Variants in PCDHGB2 observed in about 807,000 individuals in gnomAD.
PCDHGB2 encodes the protein protocadherin gamma-B2.
A neutral mutation model predicts 59.3 loss-of-function variants in PCDHGB2; 55 were observed. The ratio of observed to expected loss-of-function variants is 0.93; its 90% confidence interval spans 0.75 to 1.16. The LOEUF (loss-of-function observed/expected upper bound fraction) is 1.16. Ranked by LOEUF, PCDHGB2 falls within the 50% of genes most tolerant of loss-of-function variation. The probability of loss-of-function intolerance (pLI) is 0.00; values close to 1 mark genes in which losing one functional copy is unlikely to be tolerated. For missense variants in PCDHGB2, 1,228 were observed against 1,198.5 expected, an observed-to-expected ratio of 1.02 and a Z score of -0.36; for synonymous variants, 516 against 512.0, an observed-to-expected ratio of 1.01 and a Z score of -0.11.
chr5:141,375,992 G>A (rs1277276450), intron 1 of PCDHGB2: 9 of 1,613,328 alleles, frequency 5.6e-6, no homozygotes, highest in Admixed American at 1.7e-5. Flanking sequence ...GGACAGAGAC[G>A]CGCTCAAGCA....
chr5:141,473,260 G>T (rs2099318007), intron 1 of PCDHGB2, among the ~76,000 whole-genome samples: 1 of 152,148 alleles, frequency 6.6e-6, no homozygotes, highest in South Asian at 2.1e-4. Flanking sequence ...ATAGTCCTTA[G>T]TGTATGCTAT....
chr5:141,370,443 C>T, intron 1 of PCDHGB2: 1 of 1,607,126 alleles, frequency 6.2e-7, no homozygotes, highest in South Asian at 1.1e-5. Flanking sequence ...GAGGCGAATG[C>T]TATTTCTCTT....
intron 1 of PCDHGB2, chr5:141,417,545 T>C: frequency 3.2e-6 from 1 of 312,052 alleles, no homozygotes; most frequent in East Asian, 5.5e-5. Context: ...AAAAAATTCC[T>C]TGAAAGAGGT....
intron 1 of PCDHGB2, chr5:141,423,760 G>GGT: frequency 7.2e-6 from 2 of 279,662 alleles, no homozygotes; most frequent in Non-Finnish European, 1.1e-5. Context: ...TGGGGGGGGG[G>GGT]TGGGGCGGCA....
chr5:141,378,734 A>C (rs1388674316), intron 1 of PCDHGB2: 1 of 152,216 alleles, frequency 6.6e-6, no homozygotes, highest in Non-Finnish European at 1.5e-5. Flanking sequence ...CTTTATTGAA[A>C]TATTTCAAGA....
chr5:141,490,811 A>G lies in PCDHGB2; in HGVS notation c.2422-3996A>G, dbSNP rs750702067. The G allele has an allele frequency of 1.2e-6, 2 of 1,613,918 alleles. No homozygotes were observed. The highest frequency in any genetic ancestry group is 8.5e-7 in the Non-Finnish European group (1 of 1,179,884). On this transcript the variant is annotated intron_variant, in intron 1 of 3. Coordinates refer to ENST00000522605, the MANE Select transcript of PCDHGB2 (RefSeq NM_018923.3). This position sits in a 1 kb window ranked among gnomAD's most constrained non-coding sequence, Gnocchi z 5.4. ...ATCTTTGCCCAGCGTACCTTTGACTATGAATTGCTGCAGATGCTGCAGATT... is the reference window on the plus strand; with the variant it reads ...ATCTTTGCCCAGCGTACCTTTGACTGTGAATTGCTGCAGATGCTGCAGATT...
At chr5:141,415,739 G>GTT (rs1561759437) in intron 1 of PCDHGB2, 11 of 435,132 alleles carry the variant, frequency 2.5e-5, no homozygotes, top group African/African-American at 1.6e-4. Flanking sequence ...TGTTTATTAA[G>GTT]GTTTTTTTTT....
intron 1 of PCDHGB2, chr5:141,391,093 C>A (rs1473023690): frequency 6.6e-6 from 1 of 152,148 alleles, no homozygotes; most frequent in Non-Finnish European, 1.5e-5. Flanking sequence ...GCCTTATCTG[C>A]AGCCCTAAAC....
intron 1 of PCDHGB2, chr5:141,400,564 C>G (rs532914635): frequency 1.9e-6 from 3 of 1,612,936 alleles, no homozygotes; most frequent in Admixed American, 1.7e-5. Flanking sequence ...ATTACCCACC[C>G]AATTTTCTGT....
At chr5:141,365,191 A>C (rs1263019810) in intron 1 of PCDHGB2, 1 of 1,613,908 alleles carries the variant, frequency 6.2e-7, no homozygotes, top group Admixed American at 1.7e-5. Flanking sequence ...AAGAAGAAAA[A>C]ATTTCGGAGA....
At chr5:141,475,132 T>C (rs563015610) in intron 1 of PCDHGB2, among the ~76,000 whole-genome samples, 14 of 152,322 alleles carry the variant, frequency 9.2e-5, no homozygotes, top group African/African-American at 2.6e-4. Context: ...TTTTTTCTTT[T>C]TGAAATCTTC....
At position 141,413,426 on chromosome 5, in the gene PCDHGB2, G is replaced by T. The variant is rs138985917; in HGVS notation, c.2421+50870G>T. On this transcript the variant is annotated intron_variant, in intron 1 of 3. Transcript: ENST00000522605. Reference sequence around the variant, plus strand: ...ACGCAGCTTTTCTCTCTGAACCCGCGCAGCGGCAGCTTGATCACCGCGGGC... The same window carrying T: ...ACGCAGCTTTTCTCTCTGAACCCGCTCAGCGGCAGCTTGATCACCGCGGGC... 776 of 1,614,090 alleles carry T rather than the reference G, an allele frequency of 4.8e-4. 5 individuals carry two copies. The African/African-American group carries it at 9.2e-3, about 19-fold the overall frequency.
intron 1 of PCDHGB2, among the ~76,000 whole-genome samples, chr5:141,386,156 G>A (rs3806832): frequency 0.081 from 12,379 of 152,152 alleles, 653 homozygotes; most frequent in African/African-American, 0.15. Context: ...ACTGTCTCAC[G>A]TACTCAAACC....
intron 1 of PCDHGB2, chr5:141,415,477 C>A (rs2095874299): frequency 1.9e-6 from 3 of 1,614,184 alleles, no homozygotes; most frequent in Non-Finnish European, 2.5e-6. Flanking sequence ...CGCGGACTCG[C>A]GAAAGAGTCA....
intron 1 of PCDHGB2, chr5:141,378,636 G>A (rs1775063094): frequency 6.6e-6 from 1 of 152,168 alleles, no homozygotes; most frequent in African/African-American, 2.4e-5. Context: ...CTGGTGAATG[G>A]GAGAACAAAT....
intron 1 of PCDHGB2, chr5:141,365,016 G>T: frequency 5.0e-6 from 8 of 1,613,880 alleles, no homozygotes; most frequent in Non-Finnish European, 6.8e-6. Context: ...ACGCACATCC[G>T]TGTTACGGTC....
intron 1 of PCDHGB2, among the ~76,000 whole-genome samples, chr5:141,462,493 A>G (rs1432919197): frequency 2.0e-5 from 3 of 152,144 alleles, no homozygotes; most frequent in South Asian, 4.1e-4. Context: ...GTTGTATCCT[A>G]TAATTGTCAA....
chr5:141,480,265 A>G (rs1041908141), intron 1 of PCDHGB2, among the ~76,000 whole-genome samples: 2 of 151,784 alleles, frequency 1.3e-5, no homozygotes, highest in African/African-American at 2.4e-5. Context: ...ATGTGTTTTC[A>G]TTAGCTGGGT....
chr5:141,370,167 G>A, intron 1 of PCDHGB2: 3 of 459,112 alleles, frequency 6.5e-6, no homozygotes, highest in Non-Finnish European at 1.1e-5. Context: ...TGCAGCAGAG[G>A]CGCCGGGTGC....
Sources: gnomAD v4.1 joint callset for allele counts (sites outside exome capture counted in the v4.1 genomes callset) on GRCh38, gnomAD v4.1.1 for gene constraint, Gnocchi (gnomAD v3.1) non-coding constraint, MANE v1.5 for transcripts, NCBI Gene and HGNC (gene_info 2026-07-23, HGNC 2026-07-21) for gene names.